Variants in CLUL1 observed in about 807,000 individuals in gnomAD.
CLUL1 encodes clusterin like 1.
CLUL1 carries 43 observed loss-of-function variants against 49.4 expected under a neutral mutation model. The ratio of observed to expected loss-of-function variants is 0.87; its 90% CI spans 0.68 to 1.12. The LOEUF (loss-of-function observed/expected upper bound fraction) is 1.12, where lower values mean the gene tolerates loss of function less well. Among genes scored for constraint, CLUL1 ranks in the 50% most tolerant of loss-of-function variants. The pLI is 0.00. For missense variants in CLUL1, 486 were observed against 544.4 expected (o/e 0.89, Z 1.07); for synonymous variants, 192 against 184.9 (o/e 1.04, Z -0.31).
intron 2 of CLUL1, chr18:613,215 T>C: frequency 2.1e-6 from 1 of 472,994 alleles, no homozygotes; most frequent in South Asian, 4.1e-5. Flanking sequence ...CTCAGCTCAC[T>C]GCAACCTCTA....
chr18:597,179 A>C (rs1302780633), intron 1 of CLUL1, 50 bp downstream of exon 1: 1 of 152,902 alleles, frequency 6.5e-6, no homozygotes, highest in African/African-American at 2.4e-5. Flanking sequence ...GCTCTTGCCC[A>C]TTTCTCCGGA....
intron 2 of CLUL1, among the ~76,000 whole-genome samples, chr18:611,733 C>T (rs945172745): frequency 2.0e-5 from 3 of 152,158 alleles, no homozygotes; most frequent in South Asian, 2.1e-4. Flanking sequence ...TCATCCAATT[C>T]CACAAGGACA....
intron 7 of CLUL1, among the ~76,000 whole-genome samples, chr18:639,913 T>C (rs2074292464): frequency 6.6e-6 from 1 of 152,056 alleles, no homozygotes; most frequent in Admixed American, 6.6e-5. Context: ...CTGGAGTGCT[T>C]ACAGTCAAGC....
At position 637,106 on chromosome 18, in the gene CLUL1, C is replaced by T. The variant is rs185107891; in HGVS notation, c.994+3671C>T. The stretch of plus-strand genomic sequence containing the variant: ...GGTTCATGCCATTCTCCTGCCTCAG[C>T]CTCCTGAGTAGCTGGGACTACAGGC... On this transcript the variant is annotated intron_variant, in intron 7 of 9. Coordinates refer to ENST00000692774, the MANE Select transcript of CLUL1 (RefSeq NM_001393344.1). Among the ~76,000 whole-genome samples, 510 of 152,144 alleles carry T rather than the reference C, an allele frequency of 3.4e-3. 2 individuals carry two copies. Among genetic ancestry groups the T allele is most frequent in the African/African-American group, 0.011 (452 of 41,502 alleles).
At chr18:598,866 T>A (rs1359972409) in intron 1 of CLUL1, among the ~76,000 whole-genome samples, 2 of 152,242 alleles carry the variant, frequency 1.3e-5, no homozygotes, top group Non-Finnish European at 2.9e-5. Flanking sequence ...TGTAAATGAT[T>A]CCAAATTAAT....
chr18:603,633 A>T (rs1467474024), intron 1 of CLUL1, among the ~76,000 whole-genome samples: 2 of 152,172 alleles, frequency 1.3e-5, no homozygotes, highest in Non-Finnish European at 2.9e-5. Flanking sequence ...GCTTATTCAG[A>T]TTTCACCAGT....
intron 4 of CLUL1, among the ~76,000 whole-genome samples, chr18:624,029 G>A (rs1023803566): frequency 2.0e-5 from 3 of 152,170 alleles, no homozygotes; most frequent in African/African-American, 7.2e-5. Flanking sequence ...CACACTTGCA[G>A]GGAAGCCAGA....
At chr18:624,205 G>C (rs933824807) in intron 4 of CLUL1, among the ~76,000 whole-genome samples, 3 of 152,014 alleles carry the variant, frequency 2.0e-5, no homozygotes, top group Non-Finnish European at 2.9e-5. Context: ...ACAAGGGGGA[G>C]CACTGGGAAT....
chr18:647,641 T>A (rs1400050066), intron 9 of CLUL1, among the ~76,000 whole-genome samples: 1 of 152,202 alleles, frequency 6.6e-6, no homozygotes, highest in East Asian at 1.9e-4. Flanking sequence ...TGTCTACCTC[T>A]AGACCAGGAG....
chr18:607,989 C>A (rs2073028178), intron 2 of CLUL1, among the ~76,000 whole-genome samples: 1 of 152,160 alleles, frequency 6.6e-6, no homozygotes. Flanking sequence ...TTGTACGTAT[C>A]TGAGCAGTCA....
At chr18:632,542 C>T (rs932078124) in intron 6 of CLUL1, among the ~76,000 whole-genome samples, 1 of 152,026 alleles carries the variant, frequency 6.6e-6, no homozygotes, top group Non-Finnish European at 1.5e-5. Flanking sequence ...TCACAATCAC[C>T]TATTTACTTA....
chr18:646,769 A>C (rs573078673), intron 9 of CLUL1, among the ~76,000 whole-genome samples: 6 of 136,586 alleles, frequency 4.4e-5, no homozygotes, highest in African/African-American at 1.7e-4. Flanking sequence ...TTTTTTTTTG[A>C]GACAGAGTCT....
intron 9 of CLUL1, among the ~76,000 whole-genome samples, chr18:649,150 G>C (rs989199118): frequency 2.0e-5 from 3 of 151,932 alleles, no homozygotes; most frequent in African/African-American, 7.3e-5. Context: ...AATGCATTCA[G>C]GGTCCCAAAC....
intron 1 of CLUL1, among the ~76,000 whole-genome samples, chr18:603,202 T>A (rs2072879295): frequency 6.6e-6 from 1 of 152,094 alleles, no homozygotes; most frequent in Admixed American, 6.5e-5. Context: ...AAATGCAGAA[T>A]CCCAAGTCCC....
chr18:634,285 A>G (rs922477186), intron 7 of CLUL1, among the ~76,000 whole-genome samples: 16 of 151,880 alleles, frequency 1.1e-4, no homozygotes, highest in African/African-American at 3.6e-4. Context: ...ATGTGCCACC[A>G]CGCCCGGCTA....
At chr18:602,067 A>C (rs1208936636) in intron 1 of CLUL1, among the ~76,000 whole-genome samples, 1 of 152,102 alleles carries the variant, frequency 6.6e-6, no homozygotes, top group African/African-American at 2.4e-5. Flanking sequence ...TGAAAGAAAA[A>C]AAAATTTAAA....
At chr18:619,487 T>C in intron 4 of CLUL1, 126 bp downstream of exon 4, 1 of 911,906 alleles carries the variant, frequency 1.1e-6, no homozygotes, top group South Asian at 2.4e-5. Flanking sequence ...TGCTTTTATT[T>C]GAGGAAAAGT....
intron 7 of CLUL1, among the ~76,000 whole-genome samples, chr18:637,740 C>T (rs1312456558): frequency 1.3e-5 from 2 of 152,026 alleles, no homozygotes; most frequent in Admixed American, 6.6e-5. Flanking sequence ...TCTGGAAGGC[C>T]GAGGCGGGCG....
intron 7 of CLUL1, among the ~76,000 whole-genome samples, chr18:637,152 A>G (rs2144145111): frequency 6.6e-6 from 1 of 151,784 alleles, no homozygotes; most frequent in East Asian, 2.0e-4. Context: ...ATGCCCGGCT[A>G]AATTTTTGTA....
Sources: gnomAD v4.1 joint callset for allele counts (sites outside exome capture counted in the v4.1 genomes callset) on GRCh38, gnomAD v4.1.1 for gene constraint, MANE v1.5 for transcripts, NCBI Gene and HGNC (gene_info 2026-07-23, HGNC 2026-07-21) for gene names.